RP1L1: variants seen among roughly 807,000 people sequenced by gnomAD.
RP1L1 encodes the protein RP1 like 1.
A neutral mutation model predicts 15.7 loss-of-function variants in RP1L1; 27 were observed. The ratio of observed to expected loss-of-function variants is 1.72; its 90% confidence interval spans 1.27 to 2.38. The LOEUF (loss-of-function observed/expected upper bound fraction) is 2.38. Ranked by LOEUF, RP1L1 falls within the 30% of genes most tolerant of loss-of-function variation. RP1L1 has a pLI of 0.00. For synonymous variants in RP1L1, 1,813 were observed against 1,276.7 expected, an observed-to-expected ratio of 1.42 and a Z score of -8.96; for missense variants, 4,798 against 3,075.9, an observed-to-expected ratio of 1.56 and a Z score of -13.24.
chr8:10,641,385 A>G (rs1048749850), intron 1 of RP1L1, among the ~76,000 whole-genome samples: 9 of 152,246 alleles, frequency 5.9e-5, no homozygotes, highest in Admixed American at 1.3e-4. Context: ...TGTATCAATG[A>G]GAAATAAATG....
chr8:10,620,403 C>G (rs1392748221), intron 2 of RP1L1, among the ~76,000 whole-genome samples: 1 of 151,998 alleles, frequency 6.6e-6, no homozygotes, highest in African/African-American at 2.4e-5. Flanking sequence ...GTCAGGAGTT[C>G]GAGACCAGCC....
Position 10,611,252 on chromosome 8 carries a change from G to A in RP1L1, c.2846C>T (p.Pro949Leu). ...GACCACAGCCTCTGGAGACGAGCGGGGCAGAGAGCTGGGTGACACACCACT... is the reference window on the plus strand; with the variant it reads ...GACCACAGCCTCTGGAGACGAGCGGAGCAGAGAGCTGGGTGACACACCACT... ...EASGVSPSSL[P>L]RSSPEAVVRE... The change falls in exon 4 of 4, where the codon CCC (proline) becomes CTC (leucine). Residue 949 changes from proline (P) to leucine (L), a missense_variant. Transcript: ENST00000382483. The A allele has an allele frequency of 6.2e-7, 1 of 1,613,026 alleles. No homozygotes were observed. Among genetic ancestry groups the A allele is most frequent in the African/African-American group, 1.3e-5 (1 of 75,054 alleles).
chr8:10,609,358 C>G lies in RP1L1; in HGVS notation c.4740G>C (p.Gln1580His). ...DSTKRELQKLQGRAGRMVLEP... is the reference protein window; with the variant it reads ...DSTKRELQKLHGRAGRMVLEP... ...CCAGCACCATCCTACCCGCCCGGCC[C>G]TGGAGCTTCTGGAGCTCTCTCTTGG... Residue 1580 changes from glutamine (Q) to histidine (H), a missense_variant, in exon 4 of 4, where the codon CAG (glutamine) becomes CAC (histidine). Physicochemically the swap from Gln to His is conservative, Grantham distance 24. Transcript: ENST00000382483. 3 of 1,612,420 alleles carry G rather than the reference C, an allele frequency of 1.9e-6. No individual in the cohort carries two copies. The highest frequency in any genetic ancestry group is 1.6e-4 in the Middle Eastern group (1 of 6,062).
Position 10,608,097 on chromosome 8 carries a change from C to G in RP1L1, c.6001G>C (p.Glu2001Gln), listed in dbSNP as rs773300731. 1 of 1,613,154 alleles carries G rather than the reference C, an allele frequency of 6.2e-7. No homozygotes were observed. Among genetic ancestry groups the G allele is most frequent in the South Asian group, 1.1e-5 (1 of 90,976 alleles). Residue 2001 changes from glutamate to glutamine, a missense_variant, in exon 4 of 4, where the codon GAG becomes CAG. Physicochemically the swap from Glu to Gln is conservative, Grantham distance 29. Coordinates refer to ENST00000382483, the MANE Select transcript of RP1L1 (RefSeq NM_178857.6). ...GEAQPESEDV[E>Q]APEAEGEMQE... ...ATCTCCCCTTCAGCCTCTGGGGCCT[C>G]TACATCTTCTGACTCTGGCTGGGCC...
chr8:10,629,008 C>A (rs1798200099), intron 1 of RP1L1, among the ~76,000 whole-genome samples: 1 of 152,228 alleles, frequency 6.6e-6, no homozygotes, highest in Non-Finnish European at 1.5e-5. Context: ...GGGTCTGGTG[C>A]ACCTCTGGCC....
In RP1L1 at chr8:10,610,250, T is replaced by A. The variant is rs1331825229; in HGVS notation, c.3848A>T (p.Gln1283Leu). Residue 1283 changes from glutamine to leucine, a missense_variant, in exon 4 of 4, where the codon CAG becomes CTG. By Grantham distance (113) the Gln-to-Leu change is moderately radical. Coordinates refer to ENST00000382483, the MANE Select transcript of RP1L1 (RefSeq NM_178857.6). Reference sequence around the variant, plus strand: ...CTGCTCCAGGTTCGAGCTCGCCCTCTGCTCCTCACTGTCTCTTTCTGCTTC... The same window carrying A: ...CTGCTCCAGGTTCGAGCTCGCCCTCAGCTCCTCACTGTCTCTTTCTGCTTC... ...EDEAERDSEE[Q>L]RASSNLEQLA... 3 of 1,614,146 alleles carry A rather than the reference T, an allele frequency of 1.9e-6. No homozygotes were observed.
In RP1L1 at chr8:10,611,421, G is replaced by C; in HGVS notation, c.2677C>G (p.Arg893Gly). ...GPGGSPQEGT[R>G]QPGPTPSPGP... ...GGGGACGGCGTGGGGCCTGGCTGGC[G>C]TGTCCCCTCCTGCGGGCTCCCACCT... is the stretch of plus-strand genomic sequence containing the variant. The change falls in exon 4 of 4, where the codon CGC becomes GGC. Residue 893 changes from arginine to glycine, a missense_variant. Coordinates refer to ENST00000382483, the MANE Select transcript of RP1L1 (RefSeq NM_178857.6). 2.5e-6 allele frequency: 4 copies of C among 1,586,936 alleles called. No individual in the cohort carries two copies. The highest frequency in any genetic ancestry group is 3.4e-6 in the Non-Finnish European group (4 of 1,168,762).
rs1159206177 is a variant in RP1L1, at chr8:10,608,451, C to T, written c.5647G>A (p.Ala1883Thr). The part of the protein sequence containing the change: ...DVEAPEAEGE[A>T]QPESEDVETP... The stretch of plus-strand genomic sequence containing the variant: ...TCTACATCTTCTGACTCTGGCTGGG[C>T]CTCTCCTTCTGCCTCTGGGGCCTCT... The change falls in exon 4 of 4, where the codon GCC becomes ACC. Residue 1883 changes from alanine (A) to threonine (T), a missense_variant. Transcript: ENST00000382483. 3.7e-6 allele frequency: 6 copies of T among 1,604,164 alleles called. No homozygotes were observed. Among genetic ancestry groups the T allele is most frequent in the African/African-American group, 1.3e-5 (1 of 74,244 alleles).
Position 10,610,346 on chromosome 8 carries a change from T to A in RP1L1, c.3752A>T (p.Glu1251Val), listed in dbSNP as rs750677728. Residue 1251 changes from glutamate to valine, a missense_variant, in exon 4 of 4, where the codon GAA (glutamate) becomes GTA (valine). By Grantham distance (121) the Glu-to-Val change is moderately radical (BLOSUM62 -2). Transcript: ENST00000382483. Reference protein sequence around the residue: ...SRTYESPGDLENQQQCCFPTF... With the variant: ...SRTYESPGDLVNQQQCCFPTF... ...TGGGAAACAACACTGCTGTTGGTTT[T>A]CCAGATCCCCTGGGCTCTCATAAGT... 2.5e-6 allele frequency: 4 copies of A among 1,614,084 alleles called. No individual in the cohort carries two copies. Among genetic ancestry groups the A allele is most frequent in the Non-Finnish European group, 3.4e-6 (4 of 1,180,052 alleles).
intron 1 of RP1L1, among the ~76,000 whole-genome samples, chr8:10,624,962 A>C (rs904363190): frequency 6.6e-5 from 10 of 152,176 alleles, no homozygotes; most frequent in African/African-American, 1.9e-4. Flanking sequence ...ATTAGGAAGA[A>C]GCCTGGGTGG....
At chr8:10,618,426 C>A (rs1798006065) in intron 2 of RP1L1, among the ~76,000 whole-genome samples, 2 of 152,138 alleles carry the variant, frequency 1.3e-5, no homozygotes. Context: ...AGAATTGCTT[C>A]AACCCTGGAA....
At chr8:10,617,336 C>A (rs552085882) in intron 2 of RP1L1, among the ~76,000 whole-genome samples, 12 of 143,130 alleles carry the variant, frequency 8.4e-5, no homozygotes, top group Non-Finnish European at 1.7e-4. Context: ...AATGTATTTC[C>A]ATCTTTAAAG....
chr8:10,647,322 A>C (rs1033780258), intron 1 of RP1L1, among the ~76,000 whole-genome samples: 1 of 152,028 alleles, frequency 6.6e-6, no homozygotes, highest in African/African-American at 2.4e-5. Context: ...TTGTGTTTTT[A>C]TTTTTTTAAT....
At chr8:10,634,641 A>G (rs899044701) in intron 1 of RP1L1, among the ~76,000 whole-genome samples, 1 of 152,156 alleles carries the variant, frequency 6.6e-6, no homozygotes, top group East Asian at 1.9e-4. Flanking sequence ...GAAGAGTGCC[A>G]ATCACCCAGG....
chr8:10,638,048 A>G (rs748422046), intron 1 of RP1L1, among the ~76,000 whole-genome samples: 11 of 152,250 alleles, frequency 7.2e-5, no homozygotes, highest in Non-Finnish European at 1.3e-4. Context: ...CAGGAGGCAC[A>G]GCCACTGATC....
intron 1 of RP1L1, among the ~76,000 whole-genome samples, chr8:10,631,112 G>A (rs1345351055): frequency 1.3e-5 from 2 of 152,090 alleles, no homozygotes; most frequent in African/African-American, 2.4e-5. Flanking sequence ...AGGGCCTAAC[G>A]TTGTGAAAGC....
At chr8:10,621,401 C>T (rs1798056616) in intron 2 of RP1L1, 1 of 271,072 alleles carries the variant, frequency 3.7e-6, no homozygotes, top group African/African-American at 2.2e-5. Flanking sequence ...TCTTGGCTCA[C>T]TGCAGCCTCT....
At chr8:10,617,359 T>A (rs1442718135) in intron 2 of RP1L1, among the ~76,000 whole-genome samples, 1 of 146,306 alleles carries the variant, frequency 6.8e-6, no homozygotes, top group African/African-American at 2.5e-5. Flanking sequence ...CAGAGCATGT[T>A]TTTTCTCATT....
At chr8:10,628,657 A>G (rs1798194715) in intron 1 of RP1L1, among the ~76,000 whole-genome samples, 1 of 152,200 alleles carries the variant, frequency 6.6e-6, no homozygotes. Flanking sequence ...GTTCCTGAAT[A>G]TAGACTTTCT....
Sources: gnomAD v4.1 joint callset for allele counts (sites outside exome capture counted in the v4.1 genomes callset) on GRCh38, gnomAD v4.1.1 for gene constraint, MANE v1.5 for transcripts, NCBI Gene and HGNC (gene_info 2026-07-23, HGNC 2026-07-21) for gene names.